Variants in SEMA4B observed in about 807,000 individuals in gnomAD.
SEMA4B encodes the protein semaphorin-4B.
SEMA4B carries 55 observed loss-of-function variants against 88.1 expected under a neutral mutation model. The ratio of observed to expected loss-of-function variants is 0.62; its 90% confidence interval spans 0.50 to 0.78. The LOEUF is 0.78. Among genes scored for constraint, SEMA4B ranks in the 30% least tolerant of loss-of-function variants. SEMA4B has a pLI of 0.00. For missense variants in SEMA4B, 1,062 were observed against 1,111.9 expected, an observed-to-expected ratio of 0.96 and a Z score of 0.64; for synonymous variants, 525 against 473.6, an observed-to-expected ratio of 1.11 and a Z score of -1.41.
At position 90,201,584 on chromosome 15, in the gene SEMA4B, G is replaced by A. The variant is rs1960730436; in HGVS notation, c.6G>A (p.Leu2=). 1 of 1,499,632 alleles carries A rather than the reference G, an allele frequency of 6.7e-7. No homozygotes were observed. The highest frequency in any genetic ancestry group is 8.8e-7 in the Non-Finnish European group (1 of 1,131,752). The allele number at this position is 1,499,632 out of a possible 1,614,324, so 92.9% of individuals were successfully genotyped here. Residue 2 remains leucine, a synonymous_variant, in exon 1 of 14, where the codon CTG becomes CTA. Transcript: ENST00000411539. Reference sequence around the variant, plus strand: ...CCGTCGCTCCTGCTCTCCGAATGCTGCGCACCGCGATGGGCCTGAGGAGCT... The same window carrying A: ...CCGTCGCTCCTGCTCTCCGAATGCTACGCACCGCGATGGGCCTGAGGAGCT... M[L]RTAMGLRSWL... is the part of the protein sequence containing the mutation.
chr15:90,222,056 C>T (rs934314658), intron 7 of SEMA4B, among the ~76,000 whole-genome samples: 4 of 151,650 alleles, frequency 2.6e-5, no homozygotes, highest in Non-Finnish European at 5.9e-5. Flanking sequence ...TCTCCTACCT[C>T]AGCCTCCCGA....
chr15:90,198,969 G>A (rs1364357463), upstream of SEMA4B, among the ~76,000 whole-genome samples: 1 of 152,178 alleles, frequency 6.6e-6, no homozygotes, highest in African/African-American at 2.4e-5. Flanking sequence ...CCAGGCCCCG[G>A]TTCAAGCAAT....
Position 90,221,424 on chromosome 15 carries a change from C to G in SEMA4B, c.653C>G (p.Ser218Trp), listed in dbSNP as rs752703924. The G allele has an allele frequency of 1.9e-6, 3 of 1,583,568 alleles. No individual in the cohort carries two copies. The highest frequency in any genetic ancestry group is 2.7e-5 in the African/African-American group (2 of 74,044). ...TTCCAAGGGAATGACCCGGCCATCT[C>G]GCGGAGCCAAAGCCTTCGCCCCACC... Reference protein sequence around the residue: ...SSFQGNDPAISRSQSLRPTKT... With the variant: ...SSFQGNDPAIWRSQSLRPTKT... Residue 218 changes from serine to tryptophan, a missense_variant, in exon 6 of 14, where the codon TCG becomes TGG. By Grantham distance (177) the Ser-to-Trp change is radical (BLOSUM62 -3). Coordinates refer to ENST00000411539, the MANE Select transcript of SEMA4B (RefSeq NM_198925.4).
chr15:90,188,819 C>T (rs1264278803), intron 1 of SEMA4B, among the ~76,000 whole-genome samples: 1 of 151,892 alleles, frequency 6.6e-6, no homozygotes, highest in Non-Finnish European at 1.5e-5. Flanking sequence ...AGGCACCCAC[C>T]ACCACGCCCG....
At chr15:90,210,626 G>C (rs1024727359) in intron 1 of SEMA4B, among the ~76,000 whole-genome samples, 12 of 152,202 alleles carry the variant, frequency 7.9e-5, no homozygotes, top group African/African-American at 2.7e-4. Context: ...CCGTTTAAAG[G>C]GCTGAGAAAG....
Position 90,225,318 on chromosome 15 carries a change from C to A in SEMA4B, c.1442C>A (p.Pro481His). 3.2e-6 allele frequency: 5 copies of A among 1,558,830 alleles called. No individual in the cohort carries two copies. The highest frequency in any genetic ancestry group is 2.4e-5 in the East Asian group (1 of 41,570). ...CTCCACAAGGCAGTGAGCGTGGGCC[C>A]CCGGGTGCACATCATTGAGGAGCTG... Reference protein sequence around the residue: ...GRLHKAVSVGPRVHIIEELQI... With the variant: ...GRLHKAVSVGHRVHIIEELQI... The change falls in exon 11 of 14, where the codon CCC becomes CAC. Residue 481 changes from proline to histidine, a missense_variant. Physicochemically the swap from Pro to His is moderately conservative, Grantham distance 77 (BLOSUM62 -2). Coordinates refer to ENST00000411539, the MANE Select transcript of SEMA4B (RefSeq NM_198925.4).
chr15:90,193,867 G>A (rs961807781), intron 1 of SEMA4B, among the ~76,000 whole-genome samples: 5 of 150,266 alleles, frequency 3.3e-5, no homozygotes, highest in Admixed American at 2.0e-4. Flanking sequence ...TGGGTTGGTC[G>A]GGGGGACGGA....
At chr15:90,195,089 C>T (rs964949907) in intron 1 of SEMA4B, among the ~76,000 whole-genome samples, 2 of 151,100 alleles carry the variant, frequency 1.3e-5, no homozygotes, top group Non-Finnish European at 1.5e-5. Flanking sequence ...AAGGTTCACA[C>T]GTTGCTATTG....
At chr15:90,221,926 CT>C (rs1183715530) in intron 7 of SEMA4B, among the ~76,000 whole-genome samples, 161 bp downstream of exon 7, 1 of 98,430 alleles carries the variant, frequency 1.0e-5, no homozygotes, top group Non-Finnish European at 2.0e-5. Context: ...TATCTTACTA[CT>C]TTTTTCTTTT....
intron 1 of SEMA4B, chr15:90,206,755 C>T (rs62019251): frequency 3.2e-5 from 25 of 772,786 alleles, no homozygotes; most frequent in Non-Finnish European, 5.5e-5. Context: ...CTGTGTATGT[C>T]AAGTTGGTGG....
chr15:90,211,219 C>T (rs975906110), intron 1 of SEMA4B, among the ~76,000 whole-genome samples: 5 of 152,174 alleles, frequency 3.3e-5, no homozygotes, highest in African/African-American at 4.8e-5. Flanking sequence ...CCTAAGGTGA[C>T]GGCAGTGGTC....
chr15:90,222,919 C>G (rs1222474589), intron 7 of SEMA4B, among the ~76,000 whole-genome samples: 1 of 119,184 alleles, frequency 8.4e-6, no homozygotes, highest in Non-Finnish European at 1.8e-5. Flanking sequence ...CCCTCCAAAT[C>G]TTTTTTTTTT....
chr15:90,221,872 A>G (rs35147120), intron 7 of SEMA4B, 107 bp downstream of exon 7: 557,434 of 1,030,072 alleles, frequency 0.54, 155,985 homozygotes, highest in East Asian at 0.81. Context: ...GCCAAGGAGT[A>G]CAGCTTGGCT....
chr15:90,201,728 G>C lies in SEMA4B; in HGVS notation c.150G>C (p.Leu50=), dbSNP rs11547964. Residue 50 remains leucine (L), a synonymous_variant, in exon 1 of 14, where the codon CTG becomes CTC. Transcript: ENST00000411539. The part of the protein sequence containing the change: ...PTWALSPRIS[L]PLGSEERPFL... Reference sequence around the variant, plus strand: ...GGGCGCTCAGCCCCCGGATCAGCCTGCCTCTGGGTGAGTGCCGGGGACCCG... The same window carrying C: ...GGGCGCTCAGCCCCCGGATCAGCCTCCCTCTGGGTGAGTGCCGGGGACCCG... 1 of 1,461,786 alleles carries C rather than the reference G, an allele frequency of 6.8e-7. No homozygotes were observed. The highest frequency in any genetic ancestry group is 9.0e-7 in the Non-Finnish European group (1 of 1,111,144). The allele number at this position is 1,461,786 out of a possible 1,614,324, so 90.6% of individuals were successfully genotyped here.
upstream of SEMA4B, among the ~76,000 whole-genome samples, chr15:90,199,625 G>A (rs1960629670): frequency 6.6e-6 from 1 of 152,104 alleles, no homozygotes; most frequent in Admixed American, 6.6e-5. Flanking sequence ...AGGAGTTCAA[G>A]ACCAGCCTGG....
In SEMA4B at chr15:90,221,415, C is replaced by A; in HGVS notation, c.644C>A (p.Pro215Gln). The change falls in exon 6 of 14, where the codon CCG (proline) becomes CAG (glutamine). Residue 215 changes from proline to glutamine, a missense_variant. Physicochemically the swap from Pro to Gln is moderately conservative, Grantham distance 76. Transcript: ENST00000411539. ...GTCAGCAGCTTCCAAGGGAATGACC[C>A]GGCCATCTCGCGGAGCCAAAGCCTT... Reference protein sequence around the residue: ...GTVSSFQGNDPAISRSQSLRP... With the variant: ...GTVSSFQGNDQAISRSQSLRP... The A allele has an allele frequency of 6.3e-7, 1 of 1,580,410 alleles. No individual in the cohort carries two copies. The highest frequency in any genetic ancestry group is 1.4e-5 in the African/African-American group (1 of 73,984).
At position 90,217,421 on chromosome 15, in the gene SEMA4B, C is replaced by A; in HGVS notation, c.158-18C>A. ...TGGGAGGGGTGGCCCCAGGTAATAC[C>A]CATCTTCCTCTCCCCAGGCTCTGAA... is the stretch of plus-strand genomic sequence containing the variant. On this transcript the variant is annotated intron_variant, in intron 1 of 13. Coordinates refer to ENST00000411539, the MANE Select transcript of SEMA4B (RefSeq NM_198925.4). The A allele has an allele frequency of 1.2e-6, 2 of 1,607,896 alleles. No individual in the cohort carries two copies. Among genetic ancestry groups the A allele is most frequent in the South Asian group, 1.1e-5 (1 of 89,868 alleles).
chr15:90,222,114 A>G (rs1961885148), intron 7 of SEMA4B, among the ~76,000 whole-genome samples: 1 of 150,086 alleles, frequency 6.7e-6, no homozygotes, highest in African/African-American at 2.4e-5. Context: ...TAATTTTTGT[A>G]TTTTTTGTAG....
At chr15:90,201,286 G>T (rs1960702155), upstream of SEMA4B, 1 of 1,115,698 alleles carries the variant, frequency 9.0e-7, no homozygotes, top group Non-Finnish European at 1.1e-6. Context: ...GGGCGGGCCG[G>T]CCGGGCTCAC....
Sources: allele counts gnomAD v4.1 joint callset (sites outside exome capture counted in the v4.1 genomes callset), GRCh38; gene constraint gnomAD v4.1.1; transcripts MANE v1.5; gene names NCBI Gene and HGNC (gene_info 2026-07-23, HGNC 2026-07-21).